The following TSC2 variants were observed in gnomAD, a reference collection of about 807,000 sequenced individuals.
The protein encoded by TSC2 is tuberin.
In TSC2, 29 loss-of-function variants were observed where a neutral mutation model predicts 202.2. The observed-to-expected ratio is 0.14, with a 90% CI of 0.11 to 0.20. TSC2 has a LOEUF of 0.20. Among genes scored for constraint, TSC2 ranks in the 10% least tolerant of loss-of-function variants. The pLI is 1.00. For missense variants in TSC2, 2,429 were observed against 2,420.0 expected, an observed-to-expected ratio of 1.00 and a Z score of -0.08; for synonymous variants, 1,349 against 1,044.0, an observed-to-expected ratio of 1.29 and a Z score of -5.63.
At position 2,079,182 on chromosome 16, in the gene TSC2, G is replaced by C. The variant is rs747104674; in HGVS notation, c.3117G>C (p.Thr1039=). 6.2e-7 allele frequency: 1 copy of C among 1,612,868 alleles called. No individual in the cohort carries two copies. The highest frequency in any genetic ancestry group is 8.5e-7 in the Non-Finnish European group (1 of 1,180,014). ...CTCGATACGTCTTCTCCAACTTCAC[G>C]GCTGTCCCGAAGAGGTCCAGGCGGC... ...MMARYVFSNF[T]AVPKRSPVGE... The change falls in exon 27 of 42, where the codon ACG becomes ACC. Residue 1039 remains threonine, a synonymous_variant. Transcript: ENST00000219476. This position sits in a 1 kb window ranked among gnomAD's most constrained non-coding sequence, Gnocchi z 4.6.
intron 17 of TSC2, 177 bp from the exon 18 acceptor site, chr16:2,071,333 C>T: frequency 1.5e-6 from 1 of 681,932 alleles, no homozygotes; most frequent in Admixed American, 2.1e-5. Context: ...GGGTGCTGGG[C>T]CTCCGGTGTC....
At chr16:2,060,646 G>A in intron 10 of TSC2, 24 bp from the exon 11 acceptor site, 1 of 1,613,904 alleles carries the variant, frequency 6.2e-7, no homozygotes, top group Non-Finnish European at 8.5e-7. Context: ...CTGACCCTGT[G>A]TGCTGGCCGG....
chr16:2,067,374 C>T (rs996247698), intron 16 of TSC2, among the ~76,000 whole-genome samples: 2 of 151,680 alleles, frequency 1.3e-5, no homozygotes, highest in Non-Finnish European at 2.9e-5. Context: ...GTTGCCCAGC[C>T]TGGCATCAAC....
rs878854080 is a variant in TSC2, at chr16:2,071,884, T to C, written c.2047T>C (p.Ser683Pro). 26 of 1,596,548 alleles carry C rather than the reference T, an allele frequency of 1.6e-5. No homozygotes were observed. Among genetic ancestry groups the C allele is most frequent in the African/African-American group, 2.7e-5 (2 of 74,556 alleles). The part of the protein sequence containing the change: ...APAGPAVRLG[S>P]VPYSLLFRVL... The stretch of plus-strand genomic sequence containing the variant: ...TGCAGGCCCCGCCGTGCGGCTGGGG[T>C]CCGTGCCCTACTCCCTGCTCTTCCG... The change falls in exon 19 of 42, where the codon TCC becomes CCC. Residue 683 changes from serine (S) to proline (P), a missense_variant. Ser to Pro is a moderately conservative substitution (Grantham distance 74). Transcript: ENST00000219476.
In TSC2 at chr16:2,056,894, G is replaced by A. The variant is rs1406476124; in HGVS notation, c.774+125G>A. Reference sequence around the variant, plus strand: ...CCAGACAATGGCCTGTTGAGGGACGGCCAGTGTCATTTTCCCAGGCAGTTG... The same window carrying A: ...CCAGACAATGGCCTGTTGAGGGACGACCAGTGTCATTTTCCCAGGCAGTTG... On this transcript the variant is annotated intron_variant, in intron 8 of 41. Coordinates refer to ENST00000219476, the MANE Select transcript of TSC2 (RefSeq NM_000548.5). The A allele has an allele frequency of 2.6e-6, 4 of 1,514,268 alleles. No individual in the cohort carries two copies. In the African/African-American group the frequency reaches 4.1e-5, roughly 16 times the overall value. The allele number at this position is 1,514,268 out of a possible 1,614,324, so 93.8% of individuals were successfully genotyped here.
chr16:2,053,739 C>T (rs1596261388), intron 4 of TSC2: 1 of 590,526 alleles, frequency 1.7e-6, no homozygotes, highest in East Asian at 3.6e-5. Context: ...GAGATCGTAC[C>T]TGGCAGCTGG....
chr16:2,067,602 C>T (rs1050973383), intron 16 of TSC2, among the ~76,000 whole-genome samples: 14 of 152,028 alleles, frequency 9.2e-5, no homozygotes, highest in Non-Finnish European at 1.3e-4. Flanking sequence ...GAAACCCCGT[C>T]TCTACTAAAA....
Position 2,048,011 on chromosome 16 carries a change from G to T in TSC2, c.-84G>T, listed in dbSNP as rs991554520. On this transcript the variant is annotated 5_prime_UTR_variant, in exon 1 of 42. Coordinates refer to ENST00000219476, the MANE Select transcript of TSC2 (RefSeq NM_000548.5). ...CTTCCGGCGGCGTCCCGGGGCCAGG[G>T]GGGTGCGCCTTTCTCCGCGTCGGGG... 5 of 1,471,546 alleles carry T rather than the reference G, an allele frequency of 3.4e-6. No homozygotes were observed. The highest frequency in any genetic ancestry group is 2.9e-5 in the African/African-American group (2 of 68,804). 91.2% of individuals were successfully genotyped at this position (1,471,546 alleles called of 1,614,324 possible). A position where few individuals can be genotyped will look rare whatever the true frequency, so the allele number is the denominator to read the frequency against.
rs397515119 is a variant in TSC2, at chr16:2,080,418, T to TC, written c.3610+42dup. ...GGCCTGAGCGCCATCTTTCTGCCAG[T>TC]CACCCACAGAGCTGTGGACACTCAG... On this transcript the variant is annotated intron_variant, in intron 30 of 41. Transcript: ENST00000219476. The TC allele has an allele frequency of 7.1e-3, 11,319 of 1,604,800 alleles. 730 individuals are homozygous for TC. The African/African-American group carries it at 0.13, about 19-fold the overall frequency.
chr16:2,048,750 G>A lies in TSC2; in HGVS notation c.135G>A (p.Leu45=), dbSNP rs1555494715. ...AGTTTATCATCACCGCGGAAATACT[G>A]AGAGTGAGTGAGCTACCTGTGTCTT... ...QTEFIITAEI[L]RELSMECGLN... Residue 45 remains leucine (L), a synonymous_variant, in exon 2 of 42, where the codon CTG becomes CTA. Coordinates refer to ENST00000219476, the MANE Select transcript of TSC2 (RefSeq NM_000548.5). 6.2e-7 allele frequency: 1 copy of A among 1,614,068 alleles called. No individual in the cohort carries two copies. The highest frequency in any genetic ancestry group is 1.1e-5 in the South Asian group (1 of 91,078).
intron 4 of TSC2, 84 bp from the exon 5 acceptor site, chr16:2,054,212 G>C (rs2085486385): frequency 6.2e-7 from 1 of 1,607,470 alleles, no homozygotes; most frequent in Non-Finnish European, 8.5e-7. Flanking sequence ...CTGGAGTCCG[G>C]GTGCCCCTGC....
intron 14 of TSC2, 98 bp downstream of exon 14, chr16:2,063,151 C>G: frequency 7.1e-7 from 1 of 1,416,196 alleles, no homozygotes; most frequent in Non-Finnish European, 9.7e-7. Context: ...CGGGCTCTGC[C>G]TGGGACTTCG....
In TSC2 at chr16:2,070,436, G is replaced by T. The variant is rs1555505006; in HGVS notation, c.1717-20G>T. On this transcript the variant is annotated intron_variant, in intron 16 of 41. Coordinates refer to ENST00000219476, the MANE Select transcript of TSC2 (RefSeq NM_000548.5). ...GTTTTCACCTCCTGCGCCGTGGTGAGCTGCGTCCTCTCTCTGCAGACCAAG... is the reference window on the plus strand; with the variant it reads ...GTTTTCACCTCCTGCGCCGTGGTGATCTGCGTCCTCTCTCTGCAGACCAAG... 4 of 1,613,188 alleles carry T rather than the reference G, an allele frequency of 2.5e-6. No individual in the cohort carries two copies. The highest frequency in any genetic ancestry group is 3.4e-6 in the Non-Finnish European group (4 of 1,180,030).
At chr16:2,074,143 A>G (rs2151344465) in intron 21 of TSC2, 57 bp from the exon 22 acceptor site, 1 of 1,604,196 alleles carries the variant, frequency 6.2e-7, no homozygotes. Flanking sequence ...GGCGAGGGGT[A>G]GGCGAGGCTG....
At chr16:2,071,456 T>C (rs993534870) in intron 17 of TSC2, 54 bp from the exon 18 acceptor site, 1 of 1,602,732 alleles carries the variant, frequency 6.2e-7, no homozygotes, top group African/African-American at 1.3e-5. Context: ...GGACGCCGCC[T>C]GTCCTGGGCC....
At position 2,083,724 on chromosome 16, in the gene TSC2, C is replaced by T. The variant is rs45452994; in HGVS notation, c.3913C>T (p.Pro1305Ser). The change falls in exon 33 of 42, where the codon CCG becomes TCG. Residue 1305 changes from proline to serine, a missense_variant. By Grantham distance (74) the Pro-to-Ser change is moderately conservative (BLOSUM62 -1). Transcript: ENST00000219476. ...CGCCGTGGTCATGGAGGAGGGAAGT[C>T]CGGGCGAGGTTCCTGTGCTGGTGGA... is the stretch of plus-strand genomic sequence containing the variant. ...DSAVVMEEGS[P>S]GEVPVLVEPP... The T allele has an allele frequency of 6.3e-7, 1 of 1,596,962 alleles. No homozygotes were observed. The highest frequency in any genetic ancestry group is 8.5e-7 in the Non-Finnish European group (1 of 1,173,020).
chr16:2,055,908 A>AG (rs1269531396), intron 6 of TSC2: 1 of 522,126 alleles, frequency 1.9e-6, no homozygotes, highest in Non-Finnish European at 3.4e-6. Context: ...AAAAAAAAAA[A>AG]AGAGAAGTAC....
chr16:2,071,453 G>T (rs1037801565), intron 17 of TSC2, 57 bp from the exon 18 acceptor site: 7 of 1,597,392 alleles, frequency 4.4e-6, no homozygotes, highest in Non-Finnish European at 5.1e-6. Context: ...GTGGGACGCC[G>T]CCTGTCCTGG....
rs551440234 is a variant in TSC2 at position 2,070,047 on chromosome 16, G to T, written c.1717-409G>T. Among the ~76,000 whole-genome samples, 5 of 152,266 alleles carry T rather than the reference G, an allele frequency of 3.3e-5. No individual in the cohort carries two copies. The South Asian group carries it at 1.0e-3, about 32-fold the overall frequency. On this transcript the variant is annotated intron_variant, in intron 16 of 41. Transcript: ENST00000219476. ...GCCAGATTTCCCCTGGCTCCTGCTG[G>T]CCTCGGCCCCAGGGTTGCTGGAGGC...
Sources: gnomAD v4.1 joint callset for allele counts (sites outside exome capture counted in the v4.1 genomes callset) on GRCh38, gnomAD v4.1.1 for gene constraint, Gnocchi (gnomAD v3.1) non-coding constraint, MANE v1.5 for transcripts, NCBI Gene and HGNC (gene_info 2026-07-23, HGNC 2026-07-21) for gene names.